Variants in SCN3A observed in about 807,000 individuals in gnomAD.
SCN3A encodes sodium channel protein type 3 subunit alpha.
SCN3A carries 60 observed loss-of-function variants against 187.6 expected under a neutral mutation model. The observed-to-expected ratio is 0.32, with a 90% CI of 0.26 to 0.40. The LOEUF (loss-of-function observed/expected upper bound fraction) is 0.40, where lower values mean the gene tolerates loss of function less well. Ranked by LOEUF, SCN3A falls within the 10% of genes least tolerant of loss-of-function variation. The pLI is 1.00. For missense variants in SCN3A, 1,601 were observed against 2,428.2 expected, an observed-to-expected ratio of 0.66 and a Z score of 7.16; for synonymous variants, 788 against 829.2, an observed-to-expected ratio of 0.95 and a Z score of 0.85.
intron 2 of SCN3A, among the ~76,000 whole-genome samples, chr2:165,179,153 T>C (rs1478645485): frequency 2.0e-5 from 3 of 152,164 alleles, no homozygotes; most frequent in African/African-American, 7.2e-5. Flanking sequence ...AAAGGTTGAT[T>C]TGAGGATTTG....
At chr2:165,196,947 C>G (rs1017508833) in intron 1 of SCN3A, among the ~76,000 whole-genome samples, 1 of 152,088 alleles carries the variant, frequency 6.6e-6, no homozygotes, top group Non-Finnish European at 1.5e-5. Flanking sequence ...AGAAATAAAT[C>G]AGTGAGTGAA....
intron 3 of SCN3A, among the ~76,000 whole-genome samples, chr2:165,174,876 T>C (rs1690351088): frequency 6.6e-6 from 1 of 152,240 alleles, no homozygotes; most frequent in African/African-American, 2.4e-5. Context: ...TGTTTAGCTA[T>C]TTACATGTAG....
chr2:165,160,837 C>T (rs1160262341), intron 9 of SCN3A, among the ~76,000 whole-genome samples: 1 of 152,062 alleles, frequency 6.6e-6, no homozygotes, highest in African/African-American at 2.4e-5. Flanking sequence ...GACAAGGTTT[C>T]GCCATGTTGG....
intron 18 of SCN3A, among the ~76,000 whole-genome samples, chr2:165,118,216 C>T (rs1268999475): frequency 6.6e-6 from 1 of 151,124 alleles, no homozygotes; most frequent in Non-Finnish European, 1.5e-5. Context: ...TCACAGTTCA[C>T]CTCTCTCCTC....
chr2:165,159,682 T>C (rs1227207395), intron 9 of SCN3A, among the ~76,000 whole-genome samples: 2 of 134,636 alleles, frequency 1.5e-5, no homozygotes, highest in African/African-American at 6.1e-5. Flanking sequence ...TTTTTTTTTT[T>C]TTAAATCAGA....
In SCN3A at chr2:165,200,283, G is replaced by A. The variant is rs183317716; in HGVS notation, c.-248+3540C>T. Among the ~76,000 whole-genome samples, 22 of 152,138 alleles carry A rather than the reference G, an allele frequency of 1.4e-4. No homozygotes were observed. The East Asian group carries it at 3.5e-3, about 24-fold the overall frequency. On this transcript the variant is annotated intron_variant, in intron 1 of 27. Coordinates refer to ENST00000283254, the MANE Select transcript of SCN3A (RefSeq NM_006922.4). Reference sequence around the variant, plus strand: ...AAAACAACCATTAATATTAAGGTGCGAATGAATAATATATTTTTAGGTGAC... The same window carrying A: ...AAAACAACCATTAATATTAAGGTGCAAATGAATAATATATTTTTAGGTGAC...
rs1044525424 is a variant in SCN3A, at chr2:165,136,745, G to A, written c.2391+1134C>T. ...GAGAGGCAACAGAAAAATGGGACAC[G>A]GCCTTTGCCAAAGATGAAGAAAATC... On this transcript the variant is annotated intron_variant, in intron 15 of 27. Transcript: ENST00000283254. Among the ~76,000 whole-genome samples, 5 of 152,264 alleles carry A rather than the reference G, an allele frequency of 3.3e-5. No individual in the cohort carries two copies. In the South Asian group the frequency reaches 8.3e-4, roughly 25 times the overall value.
At chr2:165,152,679 A>C (rs1158473417) in intron 11 of SCN3A, among the ~76,000 whole-genome samples, 1 of 152,164 alleles carries the variant, frequency 6.6e-6, no homozygotes, top group East Asian at 1.9e-4. Context: ...ACTAGTTTAC[A>C]GTCCCACCAA....
chr2:165,168,975 C>A (rs1689947070), intron 4 of SCN3A, 150 bp from the exon 5 acceptor site: 2 of 628,222 alleles, frequency 3.2e-6, no homozygotes, highest in Admixed American at 2.8e-5. Context: ...AACTTCAAAG[C>A]CTGTGATATG....
chr2:165,123,197 T>G (rs1686796016), intron 18 of SCN3A, among the ~76,000 whole-genome samples: 1 of 152,184 alleles, frequency 6.6e-6, no homozygotes, highest in Non-Finnish European at 1.5e-5. Flanking sequence ...ATCACTATTT[T>G]GAAATCCATG....
chr2:165,202,165 A>C (rs140897691), intron 1 of SCN3A, among the ~76,000 whole-genome samples: 157 of 152,196 alleles, frequency 1.0e-3, no homozygotes, highest in African/African-American at 3.6e-3. Context: ...CATTTAATCA[A>C]AGCAGGTTTA....
chr2:165,172,108 C>T (rs1263531301), intron 3 of SCN3A, among the ~76,000 whole-genome samples: 3 of 152,122 alleles, frequency 2.0e-5, no homozygotes, highest in Non-Finnish European at 4.4e-5. Context: ...AAAACAATTT[C>T]TCTGTTCATT....
At chr2:165,189,352 A>G (rs1408410097) in intron 1 of SCN3A, among the ~76,000 whole-genome samples, 1 of 152,204 alleles carries the variant, frequency 6.6e-6, no homozygotes, top group Non-Finnish European at 1.5e-5. Flanking sequence ...TTAGAAGGTG[A>G]TGAGATAAGA....
intron 18 of SCN3A, among the ~76,000 whole-genome samples, chr2:165,124,850 A>G (rs1006349477): frequency 3.3e-5 from 5 of 152,148 alleles, no homozygotes; most frequent in African/African-American, 1.2e-4. Flanking sequence ...GATTATCACC[A>G]TATTCCCCAA....
At position 165,162,265 on chromosome 2, in the gene SCN3A, C is replaced by T. The variant is rs76141286; in HGVS notation, c.1031+43G>A. ...TGTTTTCCTACCTACTTTTTTTTTT[C>T]GCAAAGAGTTCTATATCTTAAAAAA... is the stretch of plus-strand genomic sequence containing the variant. On this transcript the variant is annotated intron_variant, in intron 9 of 27. Transcript: ENST00000283254. 3.8e-4 allele frequency: 569 copies of T among 1,479,494 alleles called. 1 individual carries two copies. Among genetic ancestry groups the T allele is most frequent in the Admixed American group, 4.6e-4 (23 of 50,306 alleles). 91.6% of individuals were successfully genotyped at this position (1,479,494 alleles called of 1,614,324 possible).
chr2:165,171,433 C>A (rs1690093337), intron 3 of SCN3A, among the ~76,000 whole-genome samples: 1 of 152,056 alleles, frequency 6.6e-6, no homozygotes, highest in African/African-American at 2.4e-5. Context: ...GTTCCACCTA[C>A]AGTGACCCCC....
intron 15 of SCN3A, among the ~76,000 whole-genome samples, chr2:165,133,652 CTT>C (rs570133974): frequency 5.6e-5 from 8 of 141,784 alleles, no homozygotes; most frequent in Admixed American, 2.1e-4. Context: ...CCATGTCTAG[CTT>C]TTTTTTTTTT....
At chr2:165,174,785 A>T (rs1412609048) in intron 3 of SCN3A, among the ~76,000 whole-genome samples, 1 of 152,224 alleles carries the variant, frequency 6.6e-6, no homozygotes, top group Non-Finnish European at 1.5e-5. Flanking sequence ...AATTGTTGAA[A>T]TAAGTTATTT....
chr2:165,116,435 A>G lies in SCN3A; in HGVS notation c.3394-860T>C, dbSNP rs73969188. ...GTACTCTGAGATCACTTGGGAAGACAGGATTGTGCAAAGTTTTATGAAAAC... is the reference window on the plus strand; with the variant it reads ...GTACTCTGAGATCACTTGGGAAGACGGGATTGTGCAAAGTTTTATGAAAAC... On this transcript the variant is annotated intron_variant, in intron 18 of 27. Coordinates refer to ENST00000283254, the MANE Select transcript of SCN3A (RefSeq NM_006922.4). 5.2e-3 allele frequency among the ~76,000 whole-genome samples: 785 copies of G among 152,320 alleles called. 2 individuals carry two copies. Among genetic ancestry groups the G allele is most frequent in the African/African-American group, 0.018 (750 of 41,572 alleles).
Sources: gnomAD v4.1 joint callset for allele counts (sites outside exome capture counted in the v4.1 genomes callset) on GRCh38, gnomAD v4.1.1 for gene constraint, MANE v1.5 for transcripts, NCBI Gene and HGNC (gene_info 2026-07-23, HGNC 2026-07-21) for gene names.